ALPK2: variants seen among roughly 807,000 people sequenced by gnomAD.
ALPK2 encodes alpha kinase 2.
ALPK2 carries 127 observed loss-of-function variants against 163.1 expected under a neutral mutation model. The ratio of observed to expected loss-of-function variants is 0.78; its 90% CI spans 0.67 to 0.90. The LOEUF is 0.90. Among genes scored for constraint, ALPK2 ranks in the 40% least tolerant of loss-of-function variants. The pLI, the probability that ALPK2 is intolerant of heterozygous loss-of-function variation, is 0.00. For missense variants in ALPK2, 2,360 were observed against 2,589.6 expected (o/e 0.91, Z 1.92); for synonymous variants, 953 against 959.1 (o/e 0.99, Z 0.12).
intron 1 of ALPK2, among the ~76,000 whole-genome samples, chr18:58,621,863 G>A (rs2052202337): frequency 1.3e-5 from 2 of 152,058 alleles, no homozygotes; most frequent in African/African-American, 2.4e-5. Flanking sequence ...CAGTGTGTTG[G>A]GTGCACAATT....
Position 58,516,977 on chromosome 18 carries a change from G to A in ALPK2, c.5871C>T (p.His1957=). Reference sequence around the variant, plus strand: ...TTCTGGTCCCATAGGCAATGGCATTGTGCACCTTAAGCACACAGGCATGGC... The same window carrying A: ...TTCTGGTCCCATAGGCAATGGCATTATGCACCTTAAGCACACAGGCATGGC... ...KPGHACVLKV[H]NAIAYGTRNN... The change falls in exon 9 of 13, where the codon CAC becomes CAT. Residue 1957 remains histidine, a synonymous_variant. Coordinates refer to ENST00000361673, the MANE Select transcript of ALPK2 (RefSeq NM_052947.4). 6.2e-7 allele frequency: 1 copy of A among 1,614,166 alleles called. No individual in the cohort carries two copies. Among genetic ancestry groups the A allele is most frequent in the Non-Finnish European group, 8.5e-7 (1 of 1,180,020 alleles).
chr18:58,537,930 G>A lies in ALPK2; in HGVS notation c.2257C>T (p.Pro753Ser), dbSNP rs897411068. 3 of 1,613,996 alleles carry A rather than the reference G, an allele frequency of 1.9e-6. No individual in the cohort carries two copies. Among genetic ancestry groups the A allele is most frequent in the African/African-American group, 2.7e-5 (2 of 74,886 alleles). The change falls in exon 5 of 13, where the codon CCA (proline) becomes TCA (serine). Residue 753 changes from proline (P) to serine (S), a missense_variant. By Grantham distance (74) the Pro-to-Ser change is moderately conservative. Coordinates refer to ENST00000361673, the MANE Select transcript of ALPK2 (RefSeq NM_052947.4). The part of the protein sequence containing the change: ...ISEANDETMS[P>S]GVFSRHLPKD... ...GGGAGATGCCTTGAGAACACACCTG[G>A]GGACATAGTCTCATCATTGGCTTCT... is the stretch of plus-strand genomic sequence containing the variant.
At chr18:58,488,114 C>A (rs1366775717) in intron 12 of ALPK2, among the ~76,000 whole-genome samples, 1 of 152,078 alleles carries the variant, frequency 6.6e-6, no homozygotes, top group African/African-American at 2.4e-5. Context: ...AAGTGGTGAT[C>A]TACACTCATC....
rs1734130136 is a variant in ALPK2, at chr18:58,578,950, T to C, written c.1826A>G (p.Glu609Gly). The change falls in exon 4 of 13, where the codon GAG becomes GGG. Residue 609 changes from glutamate (E) to glycine (G), a missense_variant. Physicochemically the swap from Glu to Gly is moderately conservative, Grantham distance 98. Transcript: ENST00000361673. ...ARECAISTQA[E>G]QEAKTLQTST... is the part of the protein sequence containing the mutation. ...AGTTTGAAGGGTTTTTGCTTCTTGC[T>C]CTGCCTGGGTTGAAATAGCACATTC... 1 of 1,614,120 alleles carries C rather than the reference T, an allele frequency of 6.2e-7. No homozygotes were observed. The highest frequency in any genetic ancestry group is 1.7e-5 in the Admixed American group (1 of 59,994).
intron 12 of ALPK2, among the ~76,000 whole-genome samples, chr18:58,487,989 G>A (rs2051349024): frequency 6.6e-6 from 1 of 152,190 alleles, no homozygotes; most frequent in African/African-American, 2.4e-5. Flanking sequence ...TTTGGATTCA[G>A]TAGGTCTGGA....
chr18:58,600,852 G>A (rs910692773), intron 3 of ALPK2, among the ~76,000 whole-genome samples: 7 of 152,182 alleles, frequency 4.6e-5, no homozygotes, highest in African/African-American at 1.2e-4. Flanking sequence ...TGTCCCACTG[G>A]ACTGATCCCA....
At chr18:58,601,564 G>A (rs1436921670) in intron 3 of ALPK2, among the ~76,000 whole-genome samples, 2 of 152,160 alleles carry the variant, frequency 1.3e-5, no homozygotes, top group Admixed American at 6.5e-5. Context: ...CTGCAGCTCC[G>A]TGACCTTGGA....
chr18:58,506,587 C>T (rs1246074333), intron 10 of ALPK2, among the ~76,000 whole-genome samples: 2 of 152,064 alleles, frequency 1.3e-5, no homozygotes, highest in Non-Finnish European at 2.9e-5. Context: ...ACCAGGAGGG[C>T]AGAGGTGACT....
At chr18:58,595,100 G>C (rs1231373162) in intron 3 of ALPK2, among the ~76,000 whole-genome samples, 1 of 152,172 alleles carries the variant, frequency 6.6e-6, no homozygotes, top group Non-Finnish European at 1.5e-5. Flanking sequence ...GTCACAGAAG[G>C]TGAAGAGAAC....
rs1568099151 is a variant in ALPK2, at chr18:58,605,088, C to T, written c.227+2234G>A. ...TTAATCAGGAAATATGTGTTGATTG[C>T]TCAGAGGAAAATAAGCAAGGGTGGG... On this transcript the variant is annotated intron_variant, in intron 3 of 12. Transcript: ENST00000361673. Among the ~76,000 whole-genome samples the T allele has an allele frequency of 3.3e-5, 5 of 152,194 alleles. No homozygotes were observed. In the East Asian group the frequency reaches 5.8e-4, roughly 18 times the overall value.
intron 1 of ALPK2, among the ~76,000 whole-genome samples, chr18:58,622,022 TAA>T (rs760708751): frequency 1.2e-4 from 16 of 133,990 alleles, no homozygotes; most frequent in Admixed American, 2.3e-4. Flanking sequence ...TGAGAGGGCT[TAA>T]AAAAAAAAAA....
chr18:58,513,147 GTA>G (rs762401597), intron 10 of ALPK2, among the ~76,000 whole-genome samples: 6 of 148,912 alleles, frequency 4.0e-5, no homozygotes, highest in Non-Finnish European at 4.5e-5. Flanking sequence ...TGTGTGGTAT[GTA>G]TGTGTGGTGT....
At chr18:58,512,762 GTGTA>G (rs2051497812) in intron 10 of ALPK2, among the ~76,000 whole-genome samples, 4 of 148,942 alleles carry the variant, frequency 2.7e-5, no homozygotes, top group Admixed American at 2.0e-4. Flanking sequence ...TTGTGTGTAT[GTGTA>G]TGTGTGTGGT....
intron 10 of ALPK2, among the ~76,000 whole-genome samples, chr18:58,504,507 CATCT>C: frequency 6.6e-6 from 1 of 152,276 alleles, no homozygotes; most frequent in East Asian, 1.9e-4. Context: ...TCCTTCCTTC[CATCT>C]ATCCTTCCTT....
At chr18:58,521,212 G>A (rs894123715) in intron 8 of ALPK2, among the ~76,000 whole-genome samples, 2 of 152,132 alleles carry the variant, frequency 1.3e-5, no homozygotes, top group African/African-American at 2.4e-5. Context: ...GGGCTATAGC[G>A]GTGGTACCAT....
At chr18:58,587,498 T>C (rs1299560617) in intron 3 of ALPK2, among the ~76,000 whole-genome samples, 1 of 151,976 alleles carries the variant, frequency 6.6e-6, no homozygotes. Context: ...AAACCATGTC[T>C]AAAGAGCTGA....
chr18:58,608,685 C>T (rs1427420461), intron 2 of ALPK2, among the ~76,000 whole-genome samples: 5 of 152,266 alleles, frequency 3.3e-5, no homozygotes, highest in East Asian at 1.9e-4. Flanking sequence ...TGGTGGTTCA[C>T]GCCTATAATC....
At chr18:58,500,780 A>T (rs201894170) in intron 11 of ALPK2, among the ~76,000 whole-genome samples, 9 of 278 alleles carry the variant, frequency 0.032, no homozygotes, top group Non-Finnish European at 0.21. Context: ...CAAAAAAATT[A>T]AAAAAAAAAA....
intron 5 of ALPK2, among the ~76,000 whole-genome samples, chr18:58,533,622 T>G (rs1288940688): frequency 6.6e-6 from 1 of 151,912 alleles, no homozygotes; most frequent in Non-Finnish European, 1.5e-5. Flanking sequence ...ACCCAGCTAA[T>G]TTTTTGTATT....
Sources: gnomAD v4.1 joint callset for allele counts (sites outside exome capture counted in the v4.1 genomes callset) on GRCh38, gnomAD v4.1.1 for gene constraint, MANE v1.5 for transcripts, NCBI Gene and HGNC (gene_info 2026-07-23, HGNC 2026-07-21) for gene names.